The following PLEKHG1 variants were observed in gnomAD, a reference collection of about 807,000 sequenced individuals.
PLEKHG1 encodes the protein pleckstrin homology and RhoGEF domain containing G1.
Under a neutral mutation model 100.8 loss-of-function variants are expected in PLEKHG1, and 44 were observed. The observed-to-expected ratio is 0.44, with a 90% CI of 0.34 to 0.56. PLEKHG1 has a LOEUF of 0.56. PLEKHG1 is among the 20% of genes least tolerant of loss of function. PLEKHG1 has a pLI of 0.01. For synonymous variants in PLEKHG1, 640 were observed against 662.5 expected (o/e 0.97, Z 0.52); for missense variants, 1,545 against 1,720.9 (o/e 0.90, Z 1.81).
At chr6:150,821,836 T>C (rs78146934) in intron 13 of PLEKHG1, among the ~76,000 whole-genome samples, 1 of 150,924 alleles carries the variant, frequency 6.6e-6, no homozygotes, top group South Asian at 2.1e-4. Flanking sequence ...TCTTTTATTT[T>C]TTTTTTTATT....
chr6:150,673,658 C>CCCTCCCCTCCCT, intron 3 of PLEKHG1, among the ~76,000 whole-genome samples: 1 of 151,128 alleles, frequency 6.6e-6, no homozygotes, highest in African/African-American at 2.4e-5. Flanking sequence ...TTTCCCTCTT[C>CCCTCCCCTCCCT]CCTCCCCTCC....
chr6:150,764,900 C>T (rs1467707998), intron 2 of PLEKHG1, among the ~76,000 whole-genome samples: 1 of 137,760 alleles, frequency 7.3e-6, no homozygotes, highest in African/African-American at 2.9e-5. Context: ...TTACACTTGG[C>T]TCTTCAACTA....
intron 3 of PLEKHG1, among the ~76,000 whole-genome samples, chr6:150,684,527 A>T (rs1224862163): frequency 6.6e-6 from 1 of 152,096 alleles, no homozygotes; most frequent in African/African-American, 2.4e-5. Context: ...CAGGGGTTTC[A>T]GTGTCTGAAT....
At chr6:150,795,374 C>G (rs931636469) in intron 4 of PLEKHG1, among the ~76,000 whole-genome samples, 1 of 146,006 alleles carries the variant, frequency 6.8e-6, no homozygotes, top group East Asian at 2.0e-4. Context: ...CCAGCCTAGG[C>G]GACAGAGCGA....
chr6:150,608,226 T>G (rs1486110610), intron 1 of PLEKHG1, among the ~76,000 whole-genome samples: 2 of 152,238 alleles, frequency 1.3e-5, no homozygotes, highest in Admixed American at 6.5e-5. Context: ...TTTTCTTTGT[T>G]TCTTTTTAGA....
chr6:150,718,662 GT>G (rs960436471), upstream of PLEKHG1, among the ~76,000 whole-genome samples: 1 of 152,014 alleles, frequency 6.6e-6, no homozygotes, highest in African/African-American at 2.4e-5. Context: ...TAGAGACGAG[GT>G]TTCATCATGT....
intron 3 of PLEKHG1, among the ~76,000 whole-genome samples, chr6:150,785,760 C>T (rs1785589232): frequency 6.6e-6 from 1 of 152,098 alleles, no homozygotes; most frequent in Non-Finnish European, 1.5e-5. Flanking sequence ...AGGAACTGGT[C>T]TGCAGAGCAG....
intron 2 of PLEKHG1, among the ~76,000 whole-genome samples, chr6:150,638,728 A>T (rs1001033801): frequency 2.0e-5 from 3 of 152,154 alleles, no homozygotes; most frequent in Non-Finnish European, 4.4e-5. Context: ...TTAAACTGAA[A>T]CTTAATTTCT....
chr6:150,722,936 A>G (rs1562461997), intron 1 of PLEKHG1, among the ~76,000 whole-genome samples: 2 of 152,224 alleles, frequency 1.3e-5, no homozygotes, highest in Non-Finnish European at 1.5e-5. Context: ...AAGCTGGAGC[A>G]TAGATTATTA....
intron 3 of PLEKHG1, among the ~76,000 whole-genome samples, chr6:150,654,736 G>A (rs551065739): frequency 6.6e-6 from 1 of 152,212 alleles, no homozygotes; most frequent in Non-Finnish European, 1.5e-5. Flanking sequence ...TGTTTTCCTC[G>A]GGGCTGATGG....
Position 150,735,803 on chromosome 6 carries a change from A to G in PLEKHG1, c.411+1711A>G, listed in dbSNP as rs145718990. Among the ~76,000 whole-genome samples the G allele has an allele frequency of 6.7e-3, 1,022 of 152,326 alleles. 16 individuals are homozygous for G. Among genetic ancestry groups the G allele is most frequent in the African/African-American group, 0.023 (956 of 41,574 alleles). On this transcript the variant is annotated intron_variant, in intron 2 of 15. Coordinates refer to ENST00000358517, the Ensembl canonical transcript of PLEKHG1. ...CTACCTAATCTAAAACTCACCTTATAGAGAGAAACCTTTAATTACTGAACT... is the reference window on the plus strand; with the variant it reads ...CTACCTAATCTAAAACTCACCTTATGGAGAGAAACCTTTAATTACTGAACT...
chr6:150,603,918 C>G (rs912695118), intron 1 of PLEKHG1, among the ~76,000 whole-genome samples: 8 of 152,160 alleles, frequency 5.3e-5, no homozygotes, highest in African/African-American at 1.9e-4. Context: ...AAAATTCCAT[C>G]TACACCCACT....
intron 3 of PLEKHG1, among the ~76,000 whole-genome samples, chr6:150,665,090 T>C (rs1232240997): frequency 6.6e-6 from 1 of 152,094 alleles, no homozygotes; most frequent in Non-Finnish European, 1.5e-5. Flanking sequence ...TAGACCAATA[T>C]AGGTGATCTG....
At chr6:150,637,070 G>T (rs1250360815) in intron 1 of PLEKHG1, among the ~76,000 whole-genome samples, 6 of 152,168 alleles carry the variant, frequency 3.9e-5, no homozygotes, top group African/African-American at 1.4e-4. Context: ...CCCTACTCAT[G>T]ACCTCCCAAT....
At chr6:150,826,948 CTCTA>C (rs1019587769) in intron 14 of PLEKHG1, among the ~76,000 whole-genome samples, 4 of 150,644 alleles carry the variant, frequency 2.7e-5, no homozygotes, top group East Asian at 2.0e-4. Flanking sequence ...CTGATTCTCT[CTCTA>C]TCTTTCTTTC....
chr6:150,715,458 C>CT (rs1176767127), intron 3 of PLEKHG1, among the ~76,000 whole-genome samples: 10 of 150,396 alleles, frequency 6.6e-5, no homozygotes, highest in Non-Finnish European at 1.3e-4. Context: ...GTGCAATTGA[C>CT]TTTAACGTTC....
At chr6:150,809,611 A>G in intron 9 of PLEKHG1, 37 bp from the exon 11 acceptor site, 1 of 1,584,860 alleles carries the variant, frequency 6.3e-7, no homozygotes, top group South Asian at 1.1e-5. Context: ...GGGTGGTGGA[A>G]TCAAGTTGTC....
At chr6:150,639,787 T>G (rs1367553161) in intron 2 of PLEKHG1, among the ~76,000 whole-genome samples, 1 of 152,130 alleles carries the variant, frequency 6.6e-6, no homozygotes, top group Non-Finnish European at 1.5e-5. Context: ...GGAGGTCTTG[T>G]GTAATGCATG....
At chr6:150,809,150 A>G (rs1256508126) in exon 8 of PLEKHG1, 1 of 1,613,600 alleles carries the variant, frequency 6.2e-7, no homozygotes, top group Non-Finnish European at 8.5e-7. Context: ...AGACCTGACC[A>G]GCTACGGGGA....
Sources: gnomAD v4.1 joint callset for allele counts (sites outside exome capture counted in the v4.1 genomes callset) on GRCh38, gnomAD v4.1.1 for gene constraint, MANE v1.5 for transcripts, NCBI Gene and HGNC (gene_info 2026-07-23, HGNC 2026-07-21) for gene names.